Variants in ST3GAL4 observed in about 807,000 individuals in gnomAD.
ST3GAL4 encodes ST3 beta-galactoside alpha-2,3-sialyltransferase 4.
Under a neutral mutation model 42.6 loss-of-function variants are expected in ST3GAL4, and 24 were observed. The observed-to-expected ratio is 0.56, with a 90% CI of 0.41 to 0.79. The LOEUF (loss-of-function observed/expected upper bound fraction) is 0.79, where lower values mean the gene tolerates loss of function less well. Among genes scored for constraint, ST3GAL4 ranks in the 30% least tolerant of loss-of-function variants. ST3GAL4 has a pLI of 0.00. For missense variants in ST3GAL4, 311 were observed against 430.8 expected (o/e 0.72, Z 2.46); for synonymous variants, 135 against 163.2 (o/e 0.83, Z 1.32).
intron 1 of ST3GAL4, among the ~76,000 whole-genome samples, chr11:126,390,860 G>GC (rs11384678): frequency 0.51 from 77,784 of 151,638 alleles, 20,034 homozygotes; most frequent in African/African-American, 0.57. Context: ...CCTCCCCCCA[G>GC]CCCTTGGCAG....
intron 1 of ST3GAL4, among the ~76,000 whole-genome samples, chr11:126,399,352 T>C (rs1953913327): frequency 8.2e-6 from 1 of 121,932 alleles, no homozygotes; most frequent in Admixed American, 1.1e-4. Flanking sequence ...TTGCCCAGGC[T>C]GGAGTTCAGT....
intron 1 of ST3GAL4, among the ~76,000 whole-genome samples, chr11:126,365,973 CAT>C (rs1202389270): frequency 2.0e-5 from 3 of 152,174 alleles, no homozygotes; most frequent in Non-Finnish European, 4.4e-5. Context: ...CTGTGGGGCT[CAT>C]AGGCGTGGCT....
intron 1 of ST3GAL4, among the ~76,000 whole-genome samples, chr11:126,390,812 A>C (rs1007429070): frequency 6.6e-6 from 1 of 151,290 alleles, no homozygotes; most frequent in Non-Finnish European, 1.5e-5. Flanking sequence ...TGCCAAACTG[A>C]AACATCCCAC....
At chr11:126,357,234 T>C (rs1420514760) in intron 1 of ST3GAL4, among the ~76,000 whole-genome samples, 5 of 152,080 alleles carry the variant, frequency 3.3e-5, no homozygotes, top group Non-Finnish European at 7.4e-5. Flanking sequence ...CCTGGCCCCA[T>C]TGCGCTGGGT....
chr11:126,413,745 G>A lies in ST3GAL4; in HGVS notation c.915+97G>A, dbSNP rs111722953. The A allele has an allele frequency of 3.7e-5, 58 of 1,553,876 alleles. 3 individuals are homozygous for A. In the African/African-American group the frequency reaches 4.6e-4, roughly 12 times the overall value. Reference sequence around the variant, plus strand: ...GTGGGAGCAGTGCTGAGACCCAGAGGTGGCTCCCGCAGTCAGAACTGGAAC... The same window carrying A: ...GTGGGAGCAGTGCTGAGACCCAGAGATGGCTCCCGCAGTCAGAACTGGAAC... On this transcript the variant is annotated intron_variant, in intron 10 of 10. Coordinates refer to ENST00000444328, the MANE Select transcript of ST3GAL4 (RefSeq NM_001254757.2).
chr11:126,374,257 G>T (rs1318269670), intron 1 of ST3GAL4, among the ~76,000 whole-genome samples: 2 of 151,978 alleles, frequency 1.3e-5, no homozygotes, highest in East Asian at 3.9e-4. Flanking sequence ...TTCGAGACCA[G>T]CCTGGACAAC....
intron 1 of ST3GAL4, among the ~76,000 whole-genome samples, chr11:126,370,318 G>C (rs1411196403): frequency 1.3e-5 from 2 of 152,084 alleles, no homozygotes; most frequent in Admixed American, 6.6e-5. Context: ...GTTTTTTGCT[G>C]TTACTATTTG....
Position 126,409,658 on chromosome 11 carries a change from A to G in ST3GAL4, c.771+247A>G, listed in dbSNP as rs2135556303. On this transcript the variant is annotated intron_variant, in intron 9 of 10. Transcript: ENST00000444328. This position sits in a 1 kb window ranked among gnomAD's most constrained non-coding sequence, Gnocchi z 4.9. ...TGGATCAGGTTTAGGGGCTGGTGTG[A>G]GAGGATGGTTTTGGCAGGCGCTGGT... Among the ~76,000 whole-genome samples the G allele has an allele frequency of 6.6e-6, 1 of 152,206 alleles. No homozygotes were observed. Among genetic ancestry groups the G allele is most frequent in the South Asian group, 2.1e-4 (1 of 4,818 alleles).
In ST3GAL4 at chr11:126,408,382, A is replaced by G. The variant is rs773999631; in HGVS notation, c.513A>G (p.Glu171=). Residue 171 remains glutamate (E), a synonymous_variant, in exon 8 of 11, where the codon GAA becomes GAG. Coordinates refer to ENST00000444328, the MANE Select transcript of ST3GAL4 (RefSeq NM_001254757.2). The stretch of plus-strand genomic sequence containing the variant: ...CCACCATGCGTCTCTTCTACCCTGA[A>G]TCTGCCCACTTCGACCCCAAAGTAG... The part of the protein sequence containing the change: ...SKTTMRLFYP[E]SAHFDPKVEN... The G allele has an allele frequency of 6.2e-7, 1 of 1,614,190 alleles. No homozygotes were observed. Among genetic ancestry groups the G allele is most frequent in the South Asian group, 1.1e-5 (1 of 91,078 alleles).
intron 1 of ST3GAL4, among the ~76,000 whole-genome samples, chr11:126,382,913 C>T (rs189069047): frequency 0.015 from 2,296 of 152,190 alleles, 27 homozygotes; most frequent in African/African-American, 0.032. Context: ...AGCAGGCTGG[C>T]GGGGCAGCTG....
At chr11:126,362,793 G>A (rs963044274) in intron 1 of ST3GAL4, among the ~76,000 whole-genome samples, 3 of 152,258 alleles carry the variant, frequency 2.0e-5, no homozygotes, top group African/African-American at 7.2e-5. Flanking sequence ...ACGTCTCACA[G>A]CCTGGTGATG....
Position 126,411,281 on chromosome 11 carries a change from G to A in ST3GAL4, c.771+1870G>A, listed in dbSNP as rs1167341496. On this transcript the variant is annotated intron_variant, in intron 9 of 10. Coordinates refer to ENST00000444328, the MANE Select transcript of ST3GAL4 (RefSeq NM_001254757.2). This position sits in a 1 kb window ranked among gnomAD's most constrained non-coding sequence, Gnocchi z 6.3. ...CTGCCTCAGCCTCCCAAGTAGCTGG[G>A]ATTACAGGCATGTACCACCACACCT... 6.6e-6 allele frequency among the ~76,000 whole-genome samples: 1 copy of A among 152,006 alleles called. No homozygotes were observed. Among genetic ancestry groups the A allele is most frequent in the Non-Finnish European group, 1.5e-5 (1 of 67,982 alleles).
intron 1 of ST3GAL4, among the ~76,000 whole-genome samples, chr11:126,370,737 C>T (rs1457317928): frequency 1.3e-5 from 2 of 151,530 alleles, no homozygotes; most frequent in Non-Finnish European, 2.9e-5. Flanking sequence ...AGTGCAGTGG[C>T]ACGATCTCGG....
chr11:126,390,763 C>T (rs1953481922), intron 1 of ST3GAL4, among the ~76,000 whole-genome samples: 1 of 152,008 alleles, frequency 6.6e-6, no homozygotes, highest in Admixed American at 6.6e-5. Context: ...TGCTACCGTG[C>T]TACCATCCCA....
intron 1 of ST3GAL4, among the ~76,000 whole-genome samples, chr11:126,371,678 C>A (rs1242064540): frequency 6.6e-6 from 1 of 152,182 alleles, no homozygotes; most frequent in African/African-American, 2.4e-5. Context: ...TGTAGCCATC[C>A]CTCTCCTGAC....
chr11:126,405,829 C>T (rs1591487035), intron 1 of ST3GAL4: 2 of 501,174 alleles, frequency 4.0e-6, no homozygotes, highest in East Asian at 7.3e-5. Context: ...TGGAGTAGGC[C>T]AGCCTGGCTT....
chr11:126,395,834 G>A (rs898283716), intron 1 of ST3GAL4, among the ~76,000 whole-genome samples: 49 of 152,158 alleles, frequency 3.2e-4, no homozygotes, highest in African/African-American at 1.1e-3. Context: ...TCCCAGTCTC[G>A]TGCATGTCTT....
Position 126,414,566 on chromosome 11 carries a change from T to A in ST3GAL4, c.*519T>A. 1 of 153,714 alleles carries A rather than the reference T, an allele frequency of 6.5e-6. No homozygotes were observed. Among genetic ancestry groups the A allele is most frequent in the Non-Finnish European group, 1.5e-5 (1 of 68,938 alleles). 9.5% of individuals were successfully genotyped at this position (153,714 alleles called of 1,614,324 possible). A position where few individuals can be genotyped will look rare whatever the true frequency, so the allele number is the denominator to read the frequency against. On this transcript the variant is annotated 3_prime_UTR_variant, in exon 11 of 11. Coordinates refer to ENST00000444328, the MANE Select transcript of ST3GAL4 (RefSeq NM_001254757.2). Reference sequence around the variant, plus strand: ...ATGGGAAGAGCACTGGTGTGGGGGTTCCACCGAGAAGGGGACCTCATCTAG... The same window carrying A: ...ATGGGAAGAGCACTGGTGTGGGGGTACCACCGAGAAGGGGACCTCATCTAG...
chr11:126,358,109 G>A (rs186712295), intron 1 of ST3GAL4, among the ~76,000 whole-genome samples: 197 of 152,370 alleles, frequency 1.3e-3, no homozygotes, highest in Middle Eastern at 3.4e-3. Flanking sequence ...GCCCCTCGGA[G>A]ATGGACCTTA....
Sources: gnomAD v4.1 joint callset for allele counts (sites outside exome capture counted in the v4.1 genomes callset) on GRCh38, gnomAD v4.1.1 for gene constraint, Gnocchi (gnomAD v3.1) non-coding constraint, MANE v1.5 for transcripts, NCBI Gene and HGNC (gene_info 2026-07-23, HGNC 2026-07-21) for gene names.